Variants in CATSPERE observed in about 807,000 individuals in gnomAD.
CATSPERE encodes the protein catsper channel auxiliary subunit epsilon.
In CATSPERE, 93 loss-of-function variants were observed where a neutral mutation model predicts 114.1. The ratio of observed to expected loss-of-function variants is 0.81; its 90% CI spans 0.69 to 0.97. CATSPERE has a LOEUF of 0.97. Among genes scored for constraint, CATSPERE ranks in the 50% least tolerant of loss-of-function variants. The pLI is 0.00. For synonymous variants in CATSPERE, 341 were observed against 384.1 expected, an observed-to-expected ratio of 0.89 and a Z score of 1.31; for missense variants, 1,058 against 1,131.6, an observed-to-expected ratio of 0.93 and a Z score of 0.93.
rs1385817044 is a variant in CATSPERE at position 244,573,507 on chromosome 1, ATCTGGGT to A, written c.1950+738_1950+744del. On this transcript the variant is annotated intron_variant, in intron 11 of 21. Coordinates refer to ENST00000366534, the MANE Select transcript of CATSPERE (RefSeq NM_001130957.2). This position sits in a 1 kb window ranked among gnomAD's most constrained non-coding sequence, Gnocchi z 4.0. The stretch of plus-strand genomic sequence containing the variant: ...GTAGCCATGCAGTTCTGCTGGTTTC[ATCTGGGT>A]TCGTGGATGTGATGTGGGCATCTGC... Among the ~76,000 whole-genome samples, 1 of 152,186 alleles carries A rather than the reference ATCTGGGT, an allele frequency of 6.6e-6. No individual in the cohort carries two copies.
intron 8 of CATSPERE, among the ~76,000 whole-genome samples, chr1:244,543,006 T>C (rs1659108508): frequency 6.6e-6 from 1 of 152,232 alleles, no homozygotes; most frequent in African/African-American, 2.4e-5. Flanking sequence ...CCCTGGTACG[T>C]TGTTGTTGGG....
At chr1:244,539,517 T>C (rs548372942) in intron 8 of CATSPERE, among the ~76,000 whole-genome samples, 1 of 127,008 alleles carries the variant, frequency 7.9e-6, no homozygotes, top group African/African-American at 2.8e-5. Context: ...TCTCTCTTTT[T>C]CTATTGATTG....
chr1:244,542,154 T>TA (rs539959314), intron 8 of CATSPERE, among the ~76,000 whole-genome samples: 118,599 of 140,466 alleles, frequency 0.84, 51,197 homozygotes, highest in East Asian at 0.99. Flanking sequence ...ACATAAAGTA[T>TA]AAAAAAAAAA....
chr1:244,516,191 A>AAATAATAATAAT (rs146704402), intron 7 of CATSPERE, among the ~76,000 whole-genome samples: 4 of 150,256 alleles, frequency 2.7e-5, no homozygotes, highest in African/African-American at 7.3e-5. Context: ...ACCTTGTCTC[A>AAATAATAATAAT]AATAATAATA....
intron 17 of CATSPERE, 64 bp from the exon 18 acceptor site, chr1:244,605,631 C>A: frequency 9.4e-7 from 1 of 1,063,186 alleles, no homozygotes; most frequent in South Asian, 1.4e-5. Context: ...GACTCAGAAG[C>A]TGGAACTCTT....
Position 244,461,436 on chromosome 1 carries a change from GCCCGGGAAGTGGCCGT to G in CATSPERE, c.8_23del (p.Ala3GlyfsTer6). The G allele has an allele frequency of 1.4e-6, 2 of 1,384,212 alleles. No individual in the cohort carries two copies. The highest frequency in any genetic ancestry group is 1.9e-6 in the Non-Finnish European group (2 of 1,059,304). The allele number at this position is 1,384,212 out of a possible 1,614,324, so 85.7% of individuals were successfully genotyped here. A position where few individuals can be genotyped will look rare whatever the true frequency, so the allele number is the denominator to read the frequency against. On this transcript the variant is annotated frameshift_variant, in exon 1 of 22. Transcript: ENST00000366534. LOFTEE classifies it high-confidence loss of function. ...CGGAGGCGGAGCAGGCGCCATGTCA[GCCCGGGAAGTGGCCGT>G]GCTGCTGCTGTGGCTGAGCTGCTAT...
At chr1:244,471,957 CTTCTTT>C (rs1668539218) in intron 2 of CATSPERE, among the ~76,000 whole-genome samples, 1 of 152,016 alleles carries the variant, frequency 6.6e-6, no homozygotes, top group South Asian at 2.1e-4. Flanking sequence ...CAACAGTTTT[CTTCTTT>C]TTCTTTTCTT....
chr1:244,477,869 A>T (rs189806894), intron 3 of CATSPERE, 37 bp from the exon 4 acceptor site: 820 of 1,474,056 alleles, frequency 5.6e-4, no homozygotes, highest in Non-Finnish European at 6.5e-4. Flanking sequence ...TATCATATGC[A>T]CCTATAATTA....
chr1:244,532,803 T>C (rs1679816380), intron 8 of CATSPERE, among the ~76,000 whole-genome samples: 1 of 152,174 alleles, frequency 6.6e-6, no homozygotes, highest in African/African-American at 2.4e-5. Flanking sequence ...GAATGATCCA[T>C]GAGTTCAGGA....
chr1:244,611,796 C>A (rs1376691956), intron 19 of CATSPERE, among the ~76,000 whole-genome samples: 3 of 151,972 alleles, frequency 2.0e-5, no homozygotes, highest in Admixed American at 6.6e-5. Flanking sequence ...AAGATTCTGC[C>A]GAAATAACAT....
intron 20 of CATSPERE, among the ~76,000 whole-genome samples, chr1:244,618,401 C>T (rs565330709): frequency 2.2e-4 from 34 of 152,274 alleles, no homozygotes; most frequent in Admixed American, 2.0e-3. Flanking sequence ...TCCTAGAGAC[C>T]TTCATTAGTG....
At chr1:244,583,980 G>T in intron 13 of CATSPERE, 41 bp downstream of exon 13, 1 of 1,560,424 alleles carries the variant, frequency 6.4e-7, no homozygotes, top group Non-Finnish European at 8.8e-7. Flanking sequence ...TTCACTTCAA[G>T]AATGTATAGG....
chr1:244,482,456 G>A (rs1207711163), intron 5 of CATSPERE, among the ~76,000 whole-genome samples: 1 of 152,002 alleles, frequency 6.6e-6, no homozygotes, highest in African/African-American at 2.4e-5. Context: ...TTAAAAAGTT[G>A]TCAGGCATGA....
chr1:244,477,719 C>A, intron 3 of CATSPERE, 105 bp downstream of exon 3: 1 of 1,000,002 alleles, frequency 1.0e-6, no homozygotes, highest in South Asian at 1.6e-5. Context: ...AATTTTCTTT[C>A]ATTAAGTAGA....
chr1:244,606,896 C>T (rs1670087335), intron 18 of CATSPERE, among the ~76,000 whole-genome samples: 1 of 152,196 alleles, frequency 6.6e-6, no homozygotes, highest in African/African-American at 2.4e-5. Flanking sequence ...GCCACCGTGA[C>T]TGGCAATTGT....
chr1:244,621,043 TATATATAA>T (rs1204743159), intron 20 of CATSPERE, among the ~76,000 whole-genome samples: 1 of 66,248 alleles, frequency 1.5e-5, no homozygotes, highest in African/African-American at 8.4e-5. Flanking sequence ...ATATAAAATA[TATATATAA>T]ATATATATAA....
intron 11 of CATSPERE, among the ~76,000 whole-genome samples, chr1:244,580,433 A>C (rs770483285): frequency 2.6e-5 from 4 of 152,102 alleles, no homozygotes; most frequent in Non-Finnish European, 5.9e-5. Flanking sequence ...AGGCTGGGTC[A>C]CTGTAACTTC....
chr1:244,578,402 C>T lies in CATSPERE; in HGVS notation c.1951-3394C>T, dbSNP rs1285596883. 5.9e-5 allele frequency among the ~76,000 whole-genome samples: 9 copies of T among 152,208 alleles called. No homozygotes were observed. In the Middle Eastern group the frequency reaches 0.01, roughly 173 times the overall value. On this transcript the variant is annotated intron_variant, in intron 11 of 21. Coordinates refer to ENST00000366534, the MANE Select transcript of CATSPERE (RefSeq NM_001130957.2). ...TCCTGACCTCGTGATTCACCTGCCTCGGCCTGCCAAAGTGCTGGGATTACA... is the reference window on the plus strand; with the variant it reads ...TCCTGACCTCGTGATTCACCTGCCTTGGCCTGCCAAAGTGCTGGGATTACA...
chr1:244,539,548 G>A (rs547411454), intron 8 of CATSPERE, among the ~76,000 whole-genome samples: 1 of 139,842 alleles, frequency 7.2e-6, no homozygotes, highest in African/African-American at 2.6e-5. Context: ...AGAAGGAATG[G>A]TACCAGTTCC....
Sources: allele counts gnomAD v4.1 joint callset (sites outside exome capture counted in the v4.1 genomes callset), GRCh38; gene constraint gnomAD v4.1.1; non-coding constraint Gnocchi (gnomAD v3.1); transcripts MANE v1.5; gene names NCBI Gene and HGNC (gene_info 2026-07-23, HGNC 2026-07-21).